The following GLI2 variants were observed in gnomAD, a reference collection of about 807,000 sequenced individuals.
The protein encoded by GLI2 is GLI family zinc finger 2, also known as transcription activator GLI2.
Under a neutral mutation model 78.9 loss-of-function variants are expected in GLI2, and 22 were observed. The observed-to-expected ratio is 0.28, with a 90% CI of 0.20 to 0.40. The LOEUF is 0.40. Among genes scored for constraint, GLI2 ranks in the 10% least tolerant of loss-of-function variants. GLI2 has a pLI of 1.00. For synonymous variants in GLI2, 974 were observed against 963.7 expected (o/e 1.01, Z -0.20); for missense variants, 2,097 against 2,213.2 (o/e 0.95, Z 1.05).
chr2:120,762,905 A>G (rs707492), intron 1 of GLI2, among the ~76,000 whole-genome samples: 103,955 of 152,140 alleles, frequency 0.68, 37,156 homozygotes, highest in African/African-American at 0.91. Context: ...TTCGGCGCTG[A>G]AGGGATCCGA....
In GLI2 at chr2:120,986,480, G is replaced by C; in HGVS notation, c.2108G>C (p.Arg703Pro). ...CCCTCCGCTGGTGGCCTCCAGCTGCGCAAACACATGACCACCATGCACCGG... is the reference window on the plus strand; with the variant it reads ...CCCTCCGCTGGTGGCCTCCAGCTGCCCAAACACATGACCACCATGCACCGG... The part of the protein sequence containing the change: ...AAPSAGGLQL[R>P]KHMTTMHRFE... The change falls in exon 13 of 14, where the codon CGC becomes CCC. Residue 703 changes from arginine (R) to proline (P), a missense_variant. Transcript: ENST00000361492. The C allele has an allele frequency of 6.2e-7, 1 of 1,614,064 alleles. No individual in the cohort carries two copies. Among genetic ancestry groups the C allele is most frequent in the Non-Finnish European group, 8.5e-7 (1 of 1,180,028 alleles).
intron 8 of GLI2, chr2:120,972,688 A>G: frequency 7.7e-6 from 4 of 518,816 alleles, no homozygotes; most frequent in South Asian, 1.4e-5. Flanking sequence ...GCAGTCACTG[A>G]CACAGTATTT....
At chr2:120,814,540 A>G (rs1428793536) in intron 2 of GLI2, among the ~76,000 whole-genome samples, 2 of 152,226 alleles carry the variant, frequency 1.3e-5, no homozygotes, top group African/African-American at 4.8e-5. Flanking sequence ...CTCCGGCTAC[A>G]GACTGGCACC....
At chr2:120,809,731 C>A (rs2104723123) in intron 2 of GLI2, among the ~76,000 whole-genome samples, 1 of 152,246 alleles carries the variant, frequency 6.6e-6, no homozygotes, top group Admixed American at 6.5e-5. Context: ...AGCAGCCTTC[C>A]CATCTAATCT....
intron 2 of GLI2, among the ~76,000 whole-genome samples, chr2:120,806,587 A>C (rs918908279): frequency 6.6e-6 from 1 of 152,216 alleles, no homozygotes; most frequent in Admixed American, 6.5e-5. Context: ...CCATCAGCTC[A>C]GTCTGTATGT....
At chr2:120,931,990 A>G (rs931809200) in intron 3 of GLI2, among the ~76,000 whole-genome samples, 2 of 152,144 alleles carry the variant, frequency 1.3e-5, no homozygotes, top group African/African-American at 4.8e-5. Context: ...GGACACAGCA[A>G]GAGCCTCGGG....
Position 120,992,050 on chromosome 2 carries a change from A to AC in GLI2, c.*1379dup, listed in dbSNP as rs1553480328. ...CACACACACACACACACACACACAC[A>AC]CCCCAAACCTTTTCATGGGGAATGT... On this transcript the variant is annotated 3_prime_UTR_variant, in exon 14 of 14. Coordinates refer to ENST00000361492, the MANE Select transcript of GLI2 (RefSeq NM_001374353.1). 4 of 146,912 alleles carry AC rather than the reference A, an allele frequency of 2.7e-5. No individual in the cohort carries two copies. Among genetic ancestry groups the AC allele is most frequent in the Admixed American group, 2.0e-4 (3 of 14,692 alleles). 9.1% of individuals were successfully genotyped at this position (146,912 alleles called of 1,614,324 possible). A position where few individuals can be genotyped will look rare whatever the true frequency, so the allele number is the denominator to read the frequency against.
intron 1 of GLI2, among the ~76,000 whole-genome samples, chr2:120,782,913 C>T (rs1004040221): frequency 2.6e-5 from 4 of 152,214 alleles, no homozygotes; most frequent in Admixed American, 6.5e-5. Context: ...GGCTCTCTTA[C>T]AATCCCTGGG....
chr2:120,857,008 T>G (rs1421185115), intron 2 of GLI2, among the ~76,000 whole-genome samples: 1 of 151,508 alleles, frequency 6.6e-6, no homozygotes, highest in Admixed American at 6.6e-5. Flanking sequence ...GAAGATGGGG[T>G]GGAGGGAAAG....
chr2:120,824,890 C>T (rs576911939), intron 2 of GLI2, among the ~76,000 whole-genome samples: 4 of 152,228 alleles, frequency 2.6e-5, no homozygotes, highest in African/African-American at 7.2e-5. Context: ...GGCTGGAGTG[C>T]GGTGACACAA....
At chr2:120,806,292 G>C (rs938596958) in intron 2 of GLI2, among the ~76,000 whole-genome samples, 2 of 152,172 alleles carry the variant, frequency 1.3e-5, no homozygotes, top group African/African-American at 4.8e-5. Flanking sequence ...GGTGCCTCTG[G>C]GTTCCCTGCA....
intron 8 of GLI2, among the ~76,000 whole-genome samples, chr2:120,972,407 G>A (rs1034413978): frequency 3.3e-5 from 5 of 152,314 alleles, no homozygotes; most frequent in Middle Eastern, 3.4e-3. Flanking sequence ...AGTTGCTCAC[G>A]TCCCCGGAAT....
chr2:120,851,345 AGTTCTATGTTGCTCT>A (rs1160823039), intron 2 of GLI2, among the ~76,000 whole-genome samples: 1 of 152,196 alleles, frequency 6.6e-6, no homozygotes, highest in African/African-American at 2.4e-5. Flanking sequence ...AGGAGTTTTC[AGTTCTATGTTGCTCT>A]GTTTGGATTT....
At chr2:120,829,778 T>A (rs1402172006) in intron 2 of GLI2, among the ~76,000 whole-genome samples, 1 of 152,178 alleles carries the variant, frequency 6.6e-6, no homozygotes, top group Non-Finnish European at 1.5e-5. Flanking sequence ...AGATCCTGCT[T>A]CCTGGCCAGG....
At chr2:120,986,707 A>C in intron 13 of GLI2, 93 bp downstream of exon 13, 51 of 983,276 alleles carry the variant, frequency 5.2e-5, no homozygotes, top group Middle Eastern at 2.8e-4. Context: ...GTGCTATCTC[A>C]CCGGATTCCT....
chr2:120,957,679 G>A (rs1475060903), intron 5 of GLI2, among the ~76,000 whole-genome samples: 1 of 152,228 alleles, frequency 6.6e-6, no homozygotes, highest in Non-Finnish European at 1.5e-5. Flanking sequence ...GCTAAGCCAG[G>A]CAGCCGGGAG....
At chr2:120,859,984 A>G (rs1687833650) in intron 2 of GLI2, among the ~76,000 whole-genome samples, 1 of 152,148 alleles carries the variant, frequency 6.6e-6, no homozygotes, top group South Asian at 2.1e-4. Flanking sequence ...AATAAGTTAT[A>G]CAGACTTTCT....
chr2:120,886,161 T>A (rs1416625354), intron 2 of GLI2, among the ~76,000 whole-genome samples: 4 of 3,528 alleles, frequency 1.1e-3, no homozygotes, highest in African/African-American at 5.7e-3. Flanking sequence ...TTTTCCAAAG[T>A]GTGTGTGTGT....
chr2:120,850,698 C>T (rs1299134341), intron 2 of GLI2, among the ~76,000 whole-genome samples: 2 of 152,062 alleles, frequency 1.3e-5, no homozygotes. Flanking sequence ...TGAGGGATTC[C>T]AGGGGAGGGA....
Sources: allele counts gnomAD v4.1 joint callset (sites outside exome capture counted in the v4.1 genomes callset), GRCh38; gene constraint gnomAD v4.1.1; transcripts MANE v1.5; gene names NCBI Gene and HGNC (gene_info 2026-07-23, HGNC 2026-07-21).